Variants in TCEANC2 observed in about 807,000 individuals in gnomAD.
The protein encoded by TCEANC2 is transcription elongation factor A N-terminal and central domain-containing protein 2.
TCEANC2 carries 20 observed loss-of-function variants against 22.8 expected under a neutral mutation model. The observed-to-expected ratio is 0.88, with a 90% CI of 0.62 to 1.28. The LOEUF is 1.28. TCEANC2 is among the 50% of genes most tolerant of loss of function. The probability of loss-of-function intolerance (pLI) is 0.00; values close to 1 mark genes in which losing one functional copy is unlikely to be tolerated. For synonymous variants in TCEANC2, 84 were observed against 95.5 expected, an observed-to-expected ratio of 0.88 and a Z score of 0.70; for missense variants, 251 against 249.7, an observed-to-expected ratio of 1.01 and a Z score of -0.03.
Position 54,100,348 on chromosome 1 carries a change from T to G in TCEANC2, c.*3875T>G, listed in dbSNP as rs1160870551. The G allele has an allele frequency of 3.9e-5, 6 of 152,036 alleles. No individual in the cohort carries two copies. Among genetic ancestry groups the G allele is most frequent in the Non-Finnish European group, 8.8e-5 (6 of 67,994 alleles). The allele number at this position is 152,036 out of a possible 1,614,324, so 9.4% of individuals were successfully genotyped here. ...CATTCATTCATTCAACAAACAAATA[T>G]TGCCCATCTTCTGTGTGCCAAGGAC... is the stretch of plus-strand genomic sequence containing the variant. On this transcript the variant is annotated 3_prime_UTR_variant, in exon 5 of 5. Coordinates refer to ENST00000234827, the MANE Select transcript of TCEANC2 (RefSeq NM_153035.3).
In TCEANC2 at chr1:54,068,893, GA is replaced by G. The variant is rs763634208; in HGVS notation, c.241del (p.Ile81Ter). 6.3e-6 allele frequency: 10 copies of G among 1,585,026 alleles called. No homozygotes were observed. The highest frequency in any genetic ancestry group is 8.5e-6 in the Non-Finnish European group (10 of 1,171,980). On this transcript the variant is annotated frameshift_variant, in exon 3 of 5. Coordinates refer to ENST00000234827, the MANE Select transcript of TCEANC2 (RefSeq NM_153035.3). LOFTEE classifies it high-confidence loss of function. Reference protein sequence around the residue: ...PSREVLKSTRIGHTVNKMRKH... With the variant: ...PSREVLKSTRXGHTVNKMRKH... ...CCAGGGAAGTGTTAAAATCAACAAG[GA>G]TAGGTATATTCCTTCTTAATTTTAT...
At chr1:54,071,905 G>A (rs560845769) in intron 3 of TCEANC2, among the ~76,000 whole-genome samples, 13 of 151,836 alleles carry the variant, frequency 8.6e-5, no homozygotes, top group South Asian at 4.2e-4. Context: ...TTGACCTCCC[G>A]GGCTCAAGTG....
Position 54,096,165 on chromosome 1 carries a change from G to A in TCEANC2, c.439-120G>A, listed in dbSNP as rs544940453. Reference sequence around the variant, plus strand: ...CTTCCTGTTTCTCTTGTGACAGGAAGTAGATGTCCTTGAATTTCAGTTGAT... The same window carrying A: ...CTTCCTGTTTCTCTTGTGACAGGAAATAGATGTCCTTGAATTTCAGTTGAT... On this transcript the variant is annotated intron_variant, in intron 4 of 4. Transcript: ENST00000234827. The surrounding 1 kb of genome is among the most constrained non-coding windows in gnomAD (Gnocchi z 4.9). 26 of 1,395,380 alleles carry A rather than the reference G, an allele frequency of 1.9e-5. No individual in the cohort carries two copies. In the East Asian group the frequency reaches 6.0e-4, roughly 32 times the overall value. 86.4% of individuals were successfully genotyped at this position (1,395,380 alleles called of 1,614,324 possible).
intron 3 of TCEANC2, among the ~76,000 whole-genome samples, chr1:54,073,696 T>G (rs1658097894): frequency 6.6e-6 from 1 of 152,236 alleles, no homozygotes; most frequent in Non-Finnish European, 1.5e-5. Context: ...ATATTCAGTT[T>G]AGAAAAATCT....
At chr1:54,076,578 A>G (rs1658147587) in intron 3 of TCEANC2, among the ~76,000 whole-genome samples, 1 of 152,180 alleles carries the variant, frequency 6.6e-6, no homozygotes, top group Admixed American at 6.5e-5. Context: ...GTATCTTCTT[A>G]GCAACCTATG....
chr1:54,055,499 C>T (rs757942071), intron 2 of TCEANC2, among the ~76,000 whole-genome samples: 9 of 152,192 alleles, frequency 5.9e-5, no homozygotes, highest in Non-Finnish European at 1.0e-4. Flanking sequence ...CTTCTTCCTC[C>T]ACTAGGTTCC....
At chr1:54,089,353 A>AT (rs1011782527) in intron 4 of TCEANC2, among the ~76,000 whole-genome samples, 14 of 152,182 alleles carry the variant, frequency 9.2e-5, no homozygotes, top group African/African-American at 2.9e-4. Context: ...CAGATCCCCC[A>AT]TTTTTTGTCA....
At position 54,072,045 on chromosome 1, in the gene TCEANC2, C is replaced by G. The variant is rs566753592; in HGVS notation, c.244+3148C>G. Among the ~76,000 whole-genome samples the G allele has an allele frequency of 1.3e-3, 205 of 152,240 alleles. 1 individual carries two copies. The highest frequency in any genetic ancestry group is 4.7e-3 in the African/African-American group (195 of 41,542). On this transcript the variant is annotated intron_variant, in intron 3 of 4. Transcript: ENST00000234827. ...CAGGGTGGTCTCAAACTCCTGGGCT[C>G]AAGCAGTCTTCTCATCTCAGCTTCC... is the stretch of plus-strand genomic sequence containing the variant.
At chr1:54,063,838 GTC>G (rs1328045945) in intron 2 of TCEANC2, among the ~76,000 whole-genome samples, 2 of 152,252 alleles carry the variant, frequency 1.3e-5, no homozygotes, top group South Asian at 2.1e-4. Flanking sequence ...AAGGAAAAAA[GTC>G]TCTATGTGTT....
chr1:54,062,023 A>C (rs147303005), intron 2 of TCEANC2, among the ~76,000 whole-genome samples: 7 of 152,332 alleles, frequency 4.6e-5, no homozygotes, highest in South Asian at 2.1e-4. Context: ...AAAAGGTCCT[A>C]GAGTATACTC....
intron 4 of TCEANC2, among the ~76,000 whole-genome samples, chr1:54,094,661 T>G (rs780030158): frequency 6.6e-6 from 1 of 152,210 alleles, no homozygotes; most frequent in African/African-American, 2.4e-5. Context: ...GCCCAAGGGC[T>G]GAGCCTGCCT....
rs1658650859 is a variant in TCEANC2 at position 54,100,816 on chromosome 1, T to C, written c.*4343T>C. ...ATACCATGGGAAGTTTTTGAGGAGG[T>C]GAGGGACCTAATCAGATGTGTGTTT... On this transcript the variant is annotated 3_prime_UTR_variant, in exon 5 of 5. Transcript: ENST00000234827. The C allele has an allele frequency of 6.6e-6, 1 of 152,066 alleles. No homozygotes were observed. Among genetic ancestry groups the C allele is most frequent in the African/African-American group, 2.4e-5 (1 of 41,400 alleles). The allele number at this position is 152,066 out of a possible 1,614,324, so 9.4% of individuals were successfully genotyped here.
intron 3 of TCEANC2, among the ~76,000 whole-genome samples, chr1:54,086,261 T>C (rs1316220209): frequency 6.6e-6 from 1 of 152,182 alleles, no homozygotes; most frequent in African/African-American, 2.4e-5. Flanking sequence ...ATTTCTTGCA[T>C]AGCTCTTTCT....
intron 3 of TCEANC2, among the ~76,000 whole-genome samples, chr1:54,088,111 T>C (rs1393880691): frequency 5.3e-5 from 8 of 152,210 alleles, no homozygotes; most frequent in Admixed American, 1.3e-4. Context: ...ATCAGACTCA[T>C]TGAATGAGTT....
At chr1:54,086,437 C>T (rs1162957283) in intron 3 of TCEANC2, among the ~76,000 whole-genome samples, 1 of 152,140 alleles carries the variant, frequency 6.6e-6, no homozygotes, top group Non-Finnish European at 1.5e-5. Context: ...GGAAGGGACC[C>T]TTAAATGAGT....
At chr1:54,075,339 T>TTTTA (rs200974210) in intron 3 of TCEANC2, among the ~76,000 whole-genome samples, 5,679 of 152,196 alleles carry the variant, frequency 0.037, 131 homozygotes, top group Non-Finnish European at 0.057. Flanking sequence ...GGAGAAGGGT[T>TTTTA]TTTATAGAAG....
rs1479204059 is a variant in TCEANC2 at position 54,091,362 on chromosome 1, G to A, written c.438+2572G>A. ...TTTGACAGTAACCAATGTTGAGTGC[G>A]TTCAAATCAGACATCAGATCTTCGT... is the stretch of plus-strand genomic sequence containing the variant. On this transcript the variant is annotated intron_variant, in intron 4 of 4. Coordinates refer to ENST00000234827, the MANE Select transcript of TCEANC2 (RefSeq NM_153035.3). Among the ~76,000 whole-genome samples the A allele has an allele frequency of 4.6e-5, 7 of 152,134 alleles. No individual in the cohort carries two copies. In the East Asian group the frequency reaches 5.8e-4, roughly 13 times the overall value.
intron 2 of TCEANC2, among the ~76,000 whole-genome samples, chr1:54,055,396 T>TAAAACAAAAC (rs1247269944): frequency 2.6e-5 from 4 of 152,276 alleles, no homozygotes; most frequent in Non-Finnish European, 5.9e-5. Flanking sequence ...ATTATTTTAC[T>TAAAACAAAAC]AAAACAAAAC....
intron 3 of TCEANC2, among the ~76,000 whole-genome samples, chr1:54,070,456 A>T (rs1352388142): frequency 6.6e-6 from 1 of 152,102 alleles, no homozygotes; most frequent in Non-Finnish European, 1.5e-5. Flanking sequence ...AATAATTTCT[A>T]TTTGGTGTTC....
Sources: allele counts gnomAD v4.1 joint callset (sites outside exome capture counted in the v4.1 genomes callset), GRCh38; gene constraint gnomAD v4.1.1; non-coding constraint Gnocchi (gnomAD v3.1); transcripts MANE v1.5; gene names NCBI Gene and HGNC (gene_info 2026-07-23, HGNC 2026-07-21).